The following BMPR1A variants were observed in gnomAD, a reference collection of about 807,000 sequenced individuals.
The protein encoded by BMPR1A is bone morphogenetic protein receptor type 1A, also known as bone morphogenetic protein receptor type-1A.
Under a neutral mutation model 66.0 loss-of-function variants are expected in BMPR1A, and 7 were observed. The ratio of observed to expected loss-of-function variants is 0.11; its 90% CI spans 0.06 to 0.20. BMPR1A has a LOEUF of 0.20. BMPR1A is among the 10% of genes least tolerant of loss of function. The pLI is 1.00. For synonymous variants in BMPR1A, 200 were observed against 229.7 expected (o/e 0.87, Z 1.17); for missense variants, 408 against 669.1 (o/e 0.61, Z 4.31).
intron 1 of BMPR1A, among the ~76,000 whole-genome samples, chr10:86,801,223 C>G (rs1309968000): frequency 6.6e-6 from 1 of 152,184 alleles, no homozygotes; most frequent in Admixed American, 6.5e-5. Flanking sequence ...TCACTGGAGC[C>G]TTGACCTCCC....
intron 1 of BMPR1A, among the ~76,000 whole-genome samples, chr10:86,809,605 T>C: frequency 7.6e-6 from 1 of 131,488 alleles, no homozygotes; most frequent in Non-Finnish European, 1.6e-5. Context: ...CTTTTTTTTT[T>C]TTTTTTTCTC....
intron 1 of BMPR1A, among the ~76,000 whole-genome samples, chr10:86,802,006 C>G (rs1316649016): frequency 6.6e-6 from 1 of 151,990 alleles, no homozygotes; most frequent in Admixed American, 6.6e-5. Flanking sequence ...GAGCCACCGC[C>G]CCCCACCCTT....
intron 7 of BMPR1A, among the ~76,000 whole-genome samples, chr10:86,911,910 T>C (rs1490277894): frequency 6.6e-6 from 1 of 152,230 alleles, no homozygotes; most frequent in Non-Finnish European, 1.5e-5. Flanking sequence ...AAAATATGAC[T>C]TCGAGGTTTG....
chr10:86,798,531 C>G (rs1331303234), intron 1 of BMPR1A, among the ~76,000 whole-genome samples: 1 of 152,020 alleles, frequency 6.6e-6, no homozygotes, highest in Non-Finnish European at 1.5e-5. Context: ...AAATGAGTGG[C>G]TTTTAAAAGA....
intron 1 of BMPR1A, among the ~76,000 whole-genome samples, chr10:86,775,675 T>A (rs1841335866): frequency 6.6e-6 from 1 of 152,110 alleles, no homozygotes. Context: ...GTTTTTTTTT[T>A]AATGTAATAG....
At chr10:86,848,085 C>A (rs1842511648) in intron 2 of BMPR1A, among the ~76,000 whole-genome samples, 1 of 152,058 alleles carries the variant, frequency 6.6e-6, no homozygotes, top group Non-Finnish European at 1.5e-5. Context: ...GCGCCTGCCA[C>A]CACACCTGGC....
intron 1 of BMPR1A, among the ~76,000 whole-genome samples, chr10:86,804,792 GTTTTTTT>G (rs5786747): frequency 5.1e-4 from 29 of 57,262 alleles, no homozygotes; most frequent in African/African-American, 1.5e-3. Context: ...GTTTGTAGGT[GTTTTTTT>G]TTTTTTTTTT....
chr10:86,773,843 T>C (rs115469500), intron 1 of BMPR1A, among the ~76,000 whole-genome samples: 2,721 of 148,612 alleles, frequency 0.018, 93 homozygotes, highest in African/African-American at 0.063. Flanking sequence ...CTGTACAGCA[T>C]GTATTTCATT....
rs1159318494 is a variant in BMPR1A, at chr10:86,756,839, C to A, written c.-348C>A. 1 of 151,706 alleles carries A rather than the reference C, an allele frequency of 6.6e-6. No homozygotes were observed. The highest frequency in any genetic ancestry group is 1.5e-5 in the Non-Finnish European group (1 of 67,942). The allele number at this position is 151,706 out of a possible 1,614,324, so 9.4% of individuals were successfully genotyped here. On this transcript the variant is annotated 5_prime_UTR_variant, in exon 1 of 13. Transcript: ENST00000372037. ...TGCACGCCAAGGGCGAAGGCCGATT[C>A]GGGCCCCACTTCGCCCCGGCGGCTC...
At chr10:86,871,773 G>T (rs1254471757) in intron 2 of BMPR1A, among the ~76,000 whole-genome samples, 1 of 150,954 alleles carries the variant, frequency 6.6e-6, no homozygotes, top group African/African-American at 2.4e-5. Flanking sequence ...CTGCACTTCA[G>T]CCTGGGCAAC....
At chr10:86,871,055 T>G (rs1345773791) in intron 2 of BMPR1A, among the ~76,000 whole-genome samples, 1 of 152,144 alleles carries the variant, frequency 6.6e-6, no homozygotes, top group Non-Finnish European at 1.5e-5. Flanking sequence ...CAGACATTGT[T>G]CTCTCTTTGC....
chr10:86,872,157 C>T (rs1443554447), intron 2 of BMPR1A, among the ~76,000 whole-genome samples: 1 of 152,136 alleles, frequency 6.6e-6, no homozygotes, highest in Non-Finnish European at 1.5e-5. Flanking sequence ...TACAAGTTAT[C>T]ACAGCTTTTT....
At chr10:86,905,763 G>T (rs1313191828) in intron 7 of BMPR1A, among the ~76,000 whole-genome samples, 2 of 150,764 alleles carry the variant, frequency 1.3e-5, no homozygotes, top group Non-Finnish European at 2.9e-5. Context: ...TCCTAGAGTA[G>T]TTAAATAGTA....
intron 1 of BMPR1A, among the ~76,000 whole-genome samples, chr10:86,793,681 T>C (rs1453663464): frequency 1.3e-5 from 2 of 152,030 alleles, no homozygotes; most frequent in Non-Finnish European, 2.9e-5. Flanking sequence ...TGTAAGACAG[T>C]GTCAATTATG....
At chr10:86,835,861 G>A (rs1191011116) in intron 1 of BMPR1A, among the ~76,000 whole-genome samples, 1 of 152,068 alleles carries the variant, frequency 6.6e-6, no homozygotes. Context: ...AGGGAAATGT[G>A]GAATTAAAAT....
intron 1 of BMPR1A, among the ~76,000 whole-genome samples, chr10:86,832,243 G>A (rs912882244): frequency 2.6e-5 from 4 of 152,158 alleles, no homozygotes; most frequent in Admixed American, 1.3e-4. Flanking sequence ...CTAGGCGGTT[G>A]GATCACGAGG....
At chr10:86,929,628 G>T (rs180699071), downstream of BMPR1A, 1 of 152,332 alleles carries the variant, frequency 6.6e-6, no homozygotes, top group African/African-American at 2.4e-5. Flanking sequence ...CAGTGTCATT[G>T]TAAGTTTCTC....
intron 5 of BMPR1A, among the ~76,000 whole-genome samples, chr10:86,898,501 G>A (rs954872171): frequency 2.0e-5 from 3 of 152,098 alleles, no homozygotes; most frequent in African/African-American, 4.8e-5. Context: ...TTGGGATGTC[G>A]TTTCCCACTT....
At chr10:86,899,550 C>T (rs926068040) in intron 5 of BMPR1A, among the ~76,000 whole-genome samples, 4 of 152,256 alleles carry the variant, frequency 2.6e-5, no homozygotes, top group East Asian at 1.9e-4. Flanking sequence ...TACCTAAGTT[C>T]GGGTTTGGTG....
Sources: allele counts gnomAD v4.1 joint callset (sites outside exome capture counted in the v4.1 genomes callset), GRCh38; gene constraint gnomAD v4.1.1; transcripts MANE v1.5; gene names NCBI Gene and HGNC (gene_info 2026-07-23, HGNC 2026-07-21).